TC2N: variants seen among roughly 807,000 people sequenced by gnomAD.
The protein encoded by TC2N is tandem C2 domains, nuclear, also known as tandem C2 domains nuclear protein.
A neutral mutation model predicts 61.9 loss-of-function variants in TC2N; 51 were observed. The observed-to-expected ratio is 0.82, with a 90% CI of 0.66 to 1.04. The LOEUF (loss-of-function observed/expected upper bound fraction) is 1.04, where lower values mean the gene tolerates loss of function less well. TC2N is among the 50% of genes least tolerant of loss of function. The pLI, the probability that TC2N is intolerant of heterozygous loss-of-function variation, is 0.00. For missense variants in TC2N, 556 were observed against 566.7 expected, an observed-to-expected ratio of 0.98 and a Z score of 0.19; for synonymous variants, 204 against 192.6, an observed-to-expected ratio of 1.06 and a Z score of -0.49.
Position 91,799,029 on chromosome 14 carries a change from A to G in TC2N, c.597T>C (p.Ser199=). ...HDSLSSVPSS[S]SSRKNSQGSN... ...TCCCCTGAGAATTTTTCCTTGAAGA[A>G]GAACTACTGGGTACACTGGACAATG... Residue 199 remains serine (S), a synonymous_variant, in exon 6 of 12, where the codon TCT becomes TCC. Transcript: ENST00000435962. The G allele has an allele frequency of 6.3e-7, 1 of 1,597,918 alleles. No individual in the cohort carries two copies. Among genetic ancestry groups the G allele is most frequent in the South Asian group, 1.1e-5 (1 of 88,462 alleles).
chr14:91,785,145 T>C lies in TC2N; in HGVS notation c.1362+17A>G, dbSNP rs1335398881. On this transcript the variant is annotated intron_variant, in intron 11 of 11. Transcript: ENST00000435962. The stretch of plus-strand genomic sequence containing the variant: ...ATGCATAGAAAAATATAAGGAAGGA[T>C]AAAAACTCCTACTAACCTGGCCCAC... 6.3e-7 allele frequency: 1 copy of C among 1,583,222 alleles called. No individual in the cohort carries two copies. The highest frequency in any genetic ancestry group is 8.7e-7 in the Non-Finnish European group (1 of 1,155,890).
chr14:91,788,938 C>T (rs1335606994), intron 9 of TC2N, among the ~76,000 whole-genome samples: 1 of 143,366 alleles, frequency 7.0e-6, no homozygotes, highest in African/African-American at 2.5e-5. Context: ...AACAACTTTT[C>T]ACATGAACTA....
intron 1 of TC2N, among the ~76,000 whole-genome samples, chr14:91,832,709 G>A (rs1252251378): frequency 6.6e-6 from 1 of 151,908 alleles, no homozygotes; most frequent in African/African-American, 2.4e-5. Context: ...AAAACTGAAG[G>A]TTTTTAAAAC....
At chr14:91,796,561 G>C (rs1885906625) in intron 8 of TC2N, among the ~76,000 whole-genome samples, 1 of 115,408 alleles carries the variant, frequency 8.7e-6, no homozygotes, top group Non-Finnish European at 1.8e-5. Flanking sequence ...ACTGACATAG[G>C]GTGGACCCCT....
chr14:91,826,289 C>T (rs958036643), intron 1 of TC2N, among the ~76,000 whole-genome samples: 1 of 135,180 alleles, frequency 7.4e-6, no homozygotes, highest in African/African-American at 2.8e-5. Context: ...CACTGCACTA[C>T]AGCCTGGGTG....
chr14:91,818,322 G>C (rs1257436165), intron 1 of TC2N, among the ~76,000 whole-genome samples: 1 of 152,080 alleles, frequency 6.6e-6, no homozygotes, highest in Non-Finnish European at 1.5e-5. Context: ...AAAAACACCA[G>C]AAAAATTTAC....
chr14:91,797,230 T>C (rs1885942203), intron 8 of TC2N, among the ~76,000 whole-genome samples: 1 of 152,094 alleles, frequency 6.6e-6, no homozygotes, highest in South Asian at 2.1e-4. Flanking sequence ...ACTTTTTATA[T>C]GTTTATTAGT....
At chr14:91,817,144 T>C (rs1210753881) in intron 1 of TC2N, among the ~76,000 whole-genome samples, 1 of 151,974 alleles carries the variant, frequency 6.6e-6, no homozygotes. Flanking sequence ...ACACAGAACA[T>C]AGTATATCTT....
chr14:91,852,247 GAGA>G, intron 1 of TC2N, among the ~76,000 whole-genome samples: 1 of 152,344 alleles, frequency 6.6e-6, no homozygotes, highest in Non-Finnish European at 1.5e-5. Flanking sequence ...GAACAACATG[GAGA>G]AACCCCGTCT....
At chr14:91,856,796 T>C (rs1888492665) in intron 1 of TC2N, among the ~76,000 whole-genome samples, 1 of 152,194 alleles carries the variant, frequency 6.6e-6, no homozygotes, top group Non-Finnish European at 1.5e-5. Context: ...TGAGTGGCCA[T>C]ATACCCTGGC....
intron 1 of TC2N, among the ~76,000 whole-genome samples, chr14:91,863,356 C>T (rs1335954127): frequency 6.6e-6 from 1 of 152,094 alleles, no homozygotes; most frequent in Non-Finnish European, 1.5e-5. Context: ...TAGCAAGACA[C>T]CAAGCAAGGA....
At chr14:91,862,062 G>T (rs1362403942) in intron 1 of TC2N, among the ~76,000 whole-genome samples, 2 of 151,216 alleles carry the variant, frequency 1.3e-5, no homozygotes, top group Non-Finnish European at 2.9e-5. Flanking sequence ...TATAGGCTGG[G>T]CATGGTGGCT....
intron 9 of TC2N, among the ~76,000 whole-genome samples, chr14:91,790,296 G>A (rs1239957062): frequency 6.6e-6 from 1 of 152,210 alleles, no homozygotes; most frequent in East Asian, 1.9e-4. Context: ...AAACCCGAAA[G>A]TTGTGCTGTT....
intron 1 of TC2N, among the ~76,000 whole-genome samples, chr14:91,856,944 A>G (rs1322494413): frequency 2.0e-5 from 3 of 152,218 alleles, no homozygotes; most frequent in African/African-American, 4.8e-5. Flanking sequence ...AGCTGTTTTC[A>G]GATCACTTGA....
intron 1 of TC2N, among the ~76,000 whole-genome samples, chr14:91,850,907 G>A (rs907324758): frequency 1.3e-5 from 2 of 152,100 alleles, no homozygotes; most frequent in African/African-American, 4.8e-5. Context: ...CTCCAGCCTG[G>A]GTGACAGAGC....
At chr14:91,805,529 G>A (rs1349867673) in intron 3 of TC2N, among the ~76,000 whole-genome samples, 1 of 152,154 alleles carries the variant, frequency 6.6e-6, no homozygotes, top group Non-Finnish European at 1.5e-5. Context: ...GCTGTGTGTG[G>A]TGGCCCGCGC....
intron 3 of TC2N, among the ~76,000 whole-genome samples, chr14:91,805,478 C>T (rs1228839220): frequency 1.3e-5 from 2 of 152,280 alleles, no homozygotes; most frequent in South Asian, 2.1e-4. Context: ...ACCATCCTGG[C>T]CAACATAGTG....
Position 91,808,527 on chromosome 14 carries a change from G to A in TC2N, c.301+3785C>T, listed in dbSNP as rs568953030. Among the ~76,000 whole-genome samples the A allele has an allele frequency of 5.9e-5, 9 of 152,160 alleles. No individual in the cohort carries two copies. The East Asian group carries it at 9.6e-4, about 16-fold the overall frequency. Reference sequence around the variant, plus strand: ...TCTCTTTTCTCAACCCATCATTCACGTGCATACATACATACACATATTTAA... The same window carrying A: ...TCTCTTTTCTCAACCCATCATTCACATGCATACATACATACACATATTTAA... On this transcript the variant is annotated intron_variant, in intron 3 of 11. Coordinates refer to ENST00000435962, the MANE Select transcript of TC2N (RefSeq NM_001128596.3).
chr14:91,817,423 TA>T (rs948570954), intron 1 of TC2N, among the ~76,000 whole-genome samples: 103 of 146,536 alleles, frequency 7.0e-4, no homozygotes, highest in Non-Finnish European at 8.3e-4. Flanking sequence ...CTAGTGTCTT[TA>T]AAAAAAAAAA....
Sources: allele counts gnomAD v4.1 joint callset (sites outside exome capture counted in the v4.1 genomes callset), GRCh38; gene constraint gnomAD v4.1.1; transcripts MANE v1.5; gene names NCBI Gene and HGNC (gene_info 2026-07-23, HGNC 2026-07-21).